Variants in SEMA6A observed in about 807,000 individuals in gnomAD.
SEMA6A encodes the protein semaphorin-6A.
In SEMA6A, 25 loss-of-function variants were observed where a neutral mutation model predicts 96.8. The ratio of observed to expected loss-of-function variants is 0.26; its 90% confidence interval spans 0.19 to 0.36. The LOEUF (loss-of-function observed/expected upper bound fraction) is 0.36. SEMA6A is among the 10% of genes least tolerant of loss of function. The pLI is 1.00. For missense variants in SEMA6A, 1,363 were observed against 1,323.1 expected (o/e 1.03, Z -0.47); for synonymous variants, 612 against 518.0 (o/e 1.18, Z -2.46).
In SEMA6A at chr5:116,481,049, C is replaced by T. The variant is rs572985704; in HGVS notation, c.1095-772G>A. 2.6e-5 allele frequency among the ~76,000 whole-genome samples: 4 copies of T among 152,258 alleles called. No individual in the cohort carries two copies. In the South Asian group the frequency reaches 8.3e-4, roughly 32 times the overall value. On this transcript the variant is annotated intron_variant, in intron 11 of 18. Transcript: ENST00000343348. ...AGAAGAGGAGATTGGACCCTCACGA[C>T]ACCAGCATGAACCACTCCTATGTCC...
intron 1 of SEMA6A, among the ~76,000 whole-genome samples, chr5:116,570,607 T>C (rs192329887): frequency 6.6e-5 from 10 of 152,368 alleles, no homozygotes; most frequent in African/African-American, 2.4e-4. Flanking sequence ...TAGCTTGTTC[T>C]GTGATTCCTT....
chr5:116,533,610 G>A (rs1227481299), intron 1 of SEMA6A, among the ~76,000 whole-genome samples: 1 of 152,154 alleles, frequency 6.6e-6, no homozygotes, highest in Non-Finnish European at 1.5e-5. Context: ...TAGCTGTTTG[G>A]AAGGACTGTG....
chr5:116,523,944 C>T (rs1444467315), intron 1 of SEMA6A, among the ~76,000 whole-genome samples: 1 of 152,208 alleles, frequency 6.6e-6, no homozygotes, highest in Non-Finnish European at 1.5e-5. Context: ...AAAACCTTTA[C>T]TTGTGCCAGC....
Position 116,475,528 on chromosome 5 carries a change from T to G in SEMA6A, c.1708+17A>C. On this transcript the variant is annotated intron_variant, in intron 16 of 18. Coordinates refer to ENST00000343348, the MANE Select transcript of SEMA6A (RefSeq NM_020796.5). ...ATCTTTGCCCAAAGATAAAAATGGA[T>G]AAAAGACTGTACTTACTGTGACAGT... 1 of 1,574,548 alleles carries G rather than the reference T, an allele frequency of 6.4e-7. No individual in the cohort carries two copies. Among genetic ancestry groups the G allele is most frequent in the African/African-American group, 1.3e-5 (1 of 74,196 alleles).
intron 17 of SEMA6A, chr5:116,468,598 C>A (rs1382519275): frequency 6.6e-6 from 1 of 152,206 alleles, no homozygotes; most frequent in African/African-American, 2.4e-5. Context: ...TAGCCATTTC[C>A]TGTGAATTCG....
intron 1 of SEMA6A, among the ~76,000 whole-genome samples, chr5:116,505,528 C>T (rs1235363782): frequency 1.3e-5 from 2 of 151,794 alleles, no homozygotes; most frequent in Admixed American, 6.6e-5. Context: ...ACCTGCTTGA[C>T]TTCTTAATTG....
Position 116,447,033 on chromosome 5 carries a change from C to A in SEMA6A, c.2673G>T (p.Pro891=). ...GACCGGTCTGAGACAGGGAGGCTCC[C>A]GGGGGACCCAGGGAGGCCTCCCGCT... The part of the protein sequence containing the change: ...VPQREASLGP[P]GASLSQTGLS... Residue 891 remains proline, a synonymous_variant, in exon 19 of 19, where the codon CCG becomes CCT. Transcript: ENST00000343348. 6.2e-7 allele frequency: 1 copy of A among 1,613,894 alleles called. No individual in the cohort carries two copies. Among genetic ancestry groups the A allele is most frequent in the Non-Finnish European group, 8.5e-7 (1 of 1,179,852 alleles).
chr5:116,562,907 G>A (rs576138007), intron 1 of SEMA6A: 19 of 603,464 alleles, frequency 3.1e-5, no homozygotes, highest in African/African-American at 1.7e-4. Context: ...GTCGGCCCTC[G>A]AGCCCTTGCC....
intron 15 of SEMA6A, among the ~76,000 whole-genome samples, chr5:116,476,523 C>A (rs1756458003): frequency 6.6e-6 from 1 of 152,154 alleles, no homozygotes; most frequent in Non-Finnish European, 1.5e-5. Flanking sequence ...GTGGTAATGA[C>A]AGCCAATATT....
chr5:116,495,791 C>T (rs1021817074), intron 5 of SEMA6A: 2 of 395,132 alleles, frequency 5.1e-6, no homozygotes, highest in Admixed American at 8.5e-5. Context: ...AACCTCCCAT[C>T]ATATTAATTT....
chr5:116,490,075 C>T (rs1285700412), intron 7 of SEMA6A, among the ~76,000 whole-genome samples: 1 of 151,976 alleles, frequency 6.6e-6, no homozygotes, highest in Non-Finnish European at 1.5e-5. Context: ...AAACTCATAT[C>T]CAAATATATT....
At chr5:116,522,397 G>A (rs1463710643) in intron 1 of SEMA6A, among the ~76,000 whole-genome samples, 1 of 152,186 alleles carries the variant, frequency 6.6e-6, no homozygotes, top group East Asian at 1.9e-4. Flanking sequence ...CCGTCTCTTC[G>A]CAGTATGGTC....
At chr5:116,564,386 T>G (rs1237676764) in intron 1 of SEMA6A, among the ~76,000 whole-genome samples, 1 of 152,262 alleles carries the variant, frequency 6.6e-6, no homozygotes, top group African/African-American at 2.4e-5. Context: ...CAACACTGTT[T>G]GCTTCCAGTG....
chr5:116,527,689 C>T (rs1759290341), intron 1 of SEMA6A, among the ~76,000 whole-genome samples: 1 of 152,070 alleles, frequency 6.6e-6, no homozygotes, highest in Non-Finnish European at 1.5e-5. Context: ...TTTATTTTTT[C>T]TTGTCAAACC....
intron 18 of SEMA6A, among the ~76,000 whole-genome samples, chr5:116,455,794 A>G (rs1754973128): frequency 1.3e-5 from 2 of 152,182 alleles, no homozygotes; most frequent in African/African-American, 2.4e-5. Context: ...AAGAACATAC[A>G]CTTTGAGCTC....
intron 17 of SEMA6A, among the ~76,000 whole-genome samples, chr5:116,470,095 A>G (rs1462444957): frequency 6.6e-6 from 1 of 152,184 alleles, no homozygotes; most frequent in Non-Finnish European, 1.5e-5. Context: ...AGTCAGAGAA[A>G]GCAATACCTG....
Position 116,543,591 on chromosome 5 carries a change from G to A in SEMA6A, c.-39+30594C>T, listed in dbSNP as rs1368937592. On this transcript the variant is annotated intron_variant, in intron 1 of 18. Transcript: ENST00000343348. Reference sequence around the variant, plus strand: ...ATTTCACCTTTTAATTCACAACGTGGTCAAGACTGATTAATACATGATGAC... The same window carrying A: ...ATTTCACCTTTTAATTCACAACGTGATCAAGACTGATTAATACATGATGAC... Among the ~76,000 whole-genome samples, 5 of 152,124 alleles carry A rather than the reference G, an allele frequency of 3.3e-5. No individual in the cohort carries two copies. In the East Asian group the frequency reaches 9.6e-4, roughly 29 times the overall value.
chr5:116,560,921 T>G (rs534144263), intron 1 of SEMA6A, among the ~76,000 whole-genome samples: 9 of 152,340 alleles, frequency 5.9e-5, no homozygotes, highest in African/African-American at 2.2e-4. Context: ...AAACTTGTTC[T>G]ATGTCAGGAC....
chr5:116,491,858 AAAC>A (rs1487352037), intron 6 of SEMA6A, 28 bp from the exon 7 acceptor site: 2 of 1,536,616 alleles, frequency 1.3e-6, no homozygotes, highest in Non-Finnish European at 1.8e-6. Flanking sequence ...ACTTAATTAC[AAAC>A]AACAACCTTT....
Sources: gnomAD v4.1 joint callset for allele counts (sites outside exome capture counted in the v4.1 genomes callset) on GRCh38, gnomAD v4.1.1 for gene constraint, MANE v1.5 for transcripts, NCBI Gene and HGNC (gene_info 2026-07-23, HGNC 2026-07-21) for gene names.